ING5: variants seen among roughly 807,000 people sequenced by gnomAD.
The protein encoded by ING5 is inhibitor of growth protein 5.
ING5 carries 17 observed loss-of-function variants against 37.4 expected under a neutral mutation model. The observed-to-expected ratio is 0.45, with a 90% CI of 0.31 to 0.68. The LOEUF (loss-of-function observed/expected upper bound fraction) is 0.68, where lower values mean the gene tolerates loss of function less well. Ranked by LOEUF, ING5 falls within the 30% of genes least tolerant of loss-of-function variation. The pLI, the probability that ING5 is intolerant of heterozygous loss-of-function variation, is 0.05. For missense variants in ING5, 233 were observed against 311.9 expected (o/e 0.75, Z 1.91); for synonymous variants, 123 against 116.6 (o/e 1.06, Z -0.36).
intron 5 of ING5, among the ~76,000 whole-genome samples, chr2:241,716,412 C>G (rs2070270888): frequency 6.6e-6 from 1 of 151,276 alleles, no homozygotes; most frequent in South Asian, 2.1e-4. Flanking sequence ...CATGCCTCAG[C>G]CTCCGCAGTA....
intron 4 of ING5, 147 bp from the exon 5 acceptor site, chr2:241,711,831 G>C: frequency 1.4e-6 from 1 of 724,984 alleles, no homozygotes; most frequent in Non-Finnish European, 2.3e-6. Flanking sequence ...AGCCCGGGAG[G>C]TCAAGGCTGC....
chr2:241,713,318 A>G (rs925494498), intron 5 of ING5, among the ~76,000 whole-genome samples: 3 of 151,474 alleles, frequency 2.0e-5, no homozygotes, highest in African/African-American at 7.3e-5. Context: ...TCGGCCTCCC[A>G]AAGTGCTGGG....
At chr2:241,687,032 G>C (rs1041800898), upstream of ING5, 14 of 485,662 alleles carry the variant, frequency 2.9e-5, no homozygotes, top group Non-Finnish European at 4.3e-5. Context: ...GTCCCGTGCG[G>C]GCCTCCGTCC....
chr2:241,719,651 C>G, intron 5 of ING5: 1 of 1,535,208 alleles, frequency 6.5e-7, no homozygotes, highest in South Asian at 1.2e-5. Context: ...TGGGGGTCCT[C>G]GTGGGGGTGA....
chr2:241,723,163 A>G lies in ING5; in HGVS notation c.619-47A>G, dbSNP rs1450473935. ...TGTTGGCATTTCTTGTGTTTTGCATACAGAACATGAGGCGTGTTGACTGCG... is the reference window on the plus strand; with the variant it reads ...TGTTGGCATTTCTTGTGTTTTGCATGCAGAACATGAGGCGTGTTGACTGCG... On this transcript the variant is annotated intron_variant, in intron 6 of 7. Coordinates refer to ENST00000313552, the MANE Select transcript of ING5 (RefSeq NM_032329.6). The G allele has an allele frequency of 3.1e-6, 5 of 1,613,094 alleles. No individual in the cohort carries two copies. The Admixed American group carries it at 6.7e-5, about 22-fold the overall frequency.
chr2:241,726,714 AG>A lies in ING5; in HGVS notation c.*1686del. ...AAGCGGTGCCTTCCTGCGGCTTAGA[AG>A]GGAAAGCGCCAGAGAGGGCAGGCTA... On this transcript the variant is annotated 3_prime_UTR_variant, in exon 8 of 8. Transcript: ENST00000313552. 6.6e-6 allele frequency: 1 copy of A among 152,292 alleles called. No homozygotes were observed. The highest frequency in any genetic ancestry group is 1.5e-5 in the Non-Finnish European group (1 of 68,078). The allele number at this position is 152,292 out of a possible 1,614,324, so 9.4% of individuals were successfully genotyped here. A position where few individuals can be genotyped will look rare whatever the true frequency, so the allele number is the denominator to read the frequency against.
rs926138273 is a variant in ING5, at chr2:241,722,931, C to T, written c.483-8C>T. 6.2e-6 allele frequency: 10 copies of T among 1,613,606 alleles called. No homozygotes were observed. The highest frequency in any genetic ancestry group is 1.3e-5 in the African/African-American group (1 of 74,922). ...CCTTCAGTGGTGCCTGTGCCCTGTC[C>T]CCTGCAGGTCTGAGTTCACTGACAC... On this transcript the variant is annotated splice_polypyrimidine_tract_variant and splice_region_variant and intron_variant, in intron 5 of 7. Transcript: ENST00000313552.
upstream of ING5, among the ~76,000 whole-genome samples, chr2:241,700,150 GTTTTTTT>G (rs780209565): frequency 0.019 from 1,373 of 73,360 alleles, 39 homozygotes; most frequent in African/African-American, 0.068. Flanking sequence ...GCCCGGCTAA[GTTTTTTT>G]TTTTTTTTTT....
intron 2 of ING5, among the ~76,000 whole-genome samples, chr2:241,695,492 C>T (rs1481449264): frequency 1.3e-5 from 2 of 152,194 alleles, no homozygotes; most frequent in East Asian, 3.8e-4. Context: ...TCAAGACCAG[C>T]TTGGCCAATT....
upstream of ING5, chr2:241,702,022 G>A: frequency 1.5e-6 from 2 of 1,335,596 alleles, no homozygotes; most frequent in Non-Finnish European, 9.6e-7. Flanking sequence ...GCCTCCCGCG[G>A]CACCGCCCGC....
chr2:241,719,968 C>A, intron 5 of ING5: 1 of 1,271,526 alleles, frequency 7.9e-7, no homozygotes, highest in Non-Finnish European at 9.9e-7. Flanking sequence ...CTTCTCTGTG[C>A]CCCCAAGTGG....
exon 2 of ING5, chr2:241,690,154 G>GC (rs1212677492): frequency 6.5e-6 from 1 of 152,672 alleles, no homozygotes. Flanking sequence ...GGCTGGCTGG[G>GC]CCTTGTGTAC....
At chr2:241,692,134 G>A (rs772748656) in intron 2 of ING5, among the ~76,000 whole-genome samples, 13 of 152,092 alleles carry the variant, frequency 8.5e-5, no homozygotes, top group Non-Finnish European at 1.8e-4. Context: ...TGGAATAACC[G>A]AGCTTGCAGC....
intron 4 of ING5, 39 bp downstream of exon 4, chr2:241,711,527 T>A: frequency 7.3e-7 from 1 of 1,378,042 alleles, no homozygotes; most frequent in Non-Finnish European, 1.0e-6. Flanking sequence ...TTATTACTGT[T>A]AACTATGGAG....
At chr2:241,704,981 A>C (rs2069859092) in intron 2 of ING5, among the ~76,000 whole-genome samples, 1 of 152,158 alleles carries the variant, frequency 6.6e-6, no homozygotes, top group African/African-American at 2.4e-5. Context: ...ATTTATTGCC[A>C]ATTTTTTCTT....
chr2:241,698,118 C>A (rs2069657049), upstream of ING5, among the ~76,000 whole-genome samples: 1 of 147,978 alleles, frequency 6.8e-6, no homozygotes, highest in Non-Finnish European at 1.5e-5. Flanking sequence ...GCAGAATGAA[C>A]CCTTATGGAA....
intron 5 of ING5, chr2:241,712,338 C>A (rs1271798125): frequency 5.3e-6 from 2 of 377,492 alleles, no homozygotes; most frequent in Non-Finnish European, 9.6e-6. Flanking sequence ...TGGAGTCTGA[C>A]TCCAGTGCCT....
chr2:241,698,497 GT>G (rs2069664805), upstream of ING5, among the ~76,000 whole-genome samples: 1 of 1,778 alleles, frequency 5.6e-4, no homozygotes, highest in Admixed American at 7.6e-3. Flanking sequence ...TAATAGAGGA[GT>G]GTGTGTGTGT....
At chr2:241,705,386 GTTTT>G (rs1452964837) in intron 2 of ING5, among the ~76,000 whole-genome samples, 57 of 134,326 alleles carry the variant, frequency 4.2e-4, no homozygotes, top group East Asian at 1.1e-3. Flanking sequence ...CCCTAACTCT[GTTTT>G]TTTCTTTTTT....
Sources: gnomAD v4.1 joint callset for allele counts (sites outside exome capture counted in the v4.1 genomes callset) on GRCh38, gnomAD v4.1.1 for gene constraint, MANE v1.5 for transcripts, NCBI Gene and HGNC (gene_info 2026-07-23, HGNC 2026-07-21) for gene names.